The following ODF1 variants were observed in gnomAD, a reference collection of about 807,000 sequenced individuals.
The protein encoded by ODF1 is outer dense fiber of sperm tails 1.
ODF1 carries 10 observed loss-of-function variants against 24.0 expected under a neutral mutation model. The observed-to-expected ratio is 0.42, with a 90% CI of 0.26 to 0.71. ODF1 has a LOEUF of 0.71. Among genes scored for constraint, ODF1 ranks in the 30% least tolerant of loss-of-function variants. The pLI is 0.28. For missense variants in ODF1, 282 were observed against 307.9 expected (o/e 0.92, Z 0.63); for synonymous variants, 118 against 121.3 (o/e 0.97, Z 0.18).
chr8:102,559,911 T>C (rs1826156633), intron 1 of ODF1, among the ~76,000 whole-genome samples: 1 of 150,834 alleles, frequency 6.6e-6, no homozygotes, highest in Non-Finnish European at 1.5e-5. Context: ...TTTTAATCTA[T>C]ATAAATATAA....
chr8:102,554,693 C>G (rs1020100282), intron 1 of ODF1, among the ~76,000 whole-genome samples: 1 of 152,170 alleles, frequency 6.6e-6, no homozygotes, highest in African/African-American at 2.4e-5. Context: ...TGGTTCACAC[C>G]TGTAATCTCA....
chr8:102,551,759 T>C lies in ODF1; in HGVS notation c.32T>C (p.Val11Ala). 1.2e-6 allele frequency: 2 copies of C among 1,611,400 alleles called. No homozygotes were observed. Among genetic ancestry groups the C allele is most frequent in the Non-Finnish European group, 1.7e-6 (2 of 1,178,262 alleles). Residue 11 changes from valine (V) to alanine (A), a missense_variant, in exon 1 of 2, where the codon GTC becomes GCC. Transcript: ENST00000285402. ...GCACTGAGTTGTCTCTTGGACAGTG[T>C]CAGAAGGGACATAAAGAAGGTGGAC... MAALSCLLDS[V>A]RRDIKKVDRE... is the part of the protein sequence containing the mutation.
At position 102,551,978 on chromosome 8, in the gene ODF1, G is replaced by T. The variant is rs143906399; in HGVS notation, c.251G>T (p.Arg84Leu). The T allele has an allele frequency of 7.4e-6, 12 of 1,613,662 alleles. No homozygotes were observed. In the East Asian group the frequency reaches 2.7e-4, roughly 36 times the overall value. The stretch of plus-strand genomic sequence containing the variant: ...TGTGATTATAAGCTTTACTGTCTGC[G>T]ACCATCTCTCAGAAGTTTGGAGAGG... ...CLCDYKLYCL[R>L]PSLRSLERKA... The change falls in exon 1 of 2, where the codon CGA (arginine) becomes CTA (leucine). Residue 84 changes from arginine to leucine, a missense_variant. Transcript: ENST00000285402.
intron 1 of ODF1, among the ~76,000 whole-genome samples, chr8:102,553,351 C>T (rs2164065): frequency 0.6 from 87,901 of 147,198 alleles, 26,831 homozygotes; most frequent in Middle Eastern, 0.73. Flanking sequence ...CACTCCAGAC[C>T]GGGTGACAAA....
Position 102,561,010 on chromosome 8 carries a change from G to C in ODF1, c.*126G>C. ...TACGTAGGAAACTGAATACATAACT[G>C]CAATCTGCTGGTGTTGTGTGAAAGT... On this transcript the variant is annotated 3_prime_UTR_variant, in exon 2 of 2. Coordinates refer to ENST00000285402, the MANE Select transcript of ODF1 (RefSeq NM_024410.4). 1 of 872,896 alleles carries C rather than the reference G, an allele frequency of 1.1e-6. No individual in the cohort carries two copies. The highest frequency in any genetic ancestry group is 1.7e-5 in the South Asian group (1 of 60,218). 54.1% of individuals were successfully genotyped at this position (872,896 alleles called of 1,614,324 possible). A position where few individuals can be genotyped will look rare whatever the true frequency, so the allele number is the denominator to read the frequency against.
chr8:102,556,438 GTTTTGTT>G (rs1253884890), intron 1 of ODF1, among the ~76,000 whole-genome samples: 29 of 35,538 alleles, frequency 8.2e-4, no homozygotes, highest in Non-Finnish European at 1.7e-3. Context: ...TTGTTGTTTT[GTTTTGTT>G]TTGTTTTGTT....
At chr8:102,557,587 G>A (rs1451618127) in intron 1 of ODF1, among the ~76,000 whole-genome samples, 2 of 152,200 alleles carry the variant, frequency 1.3e-5, no homozygotes, top group East Asian at 3.8e-4. Context: ...GATGAATCTG[G>A]GCGCTGACTT....
intron 1 of ODF1, among the ~76,000 whole-genome samples, chr8:102,556,595 G>A (rs889829655): frequency 5.3e-5 from 8 of 151,984 alleles, no homozygotes; most frequent in African/African-American, 9.7e-5. Flanking sequence ...CTAGAGGTGC[G>A]GACAACCACG....
At chr8:102,552,877 C>A (rs1057265973) in intron 1 of ODF1, among the ~76,000 whole-genome samples, 2 of 152,008 alleles carry the variant, frequency 1.3e-5, no homozygotes, top group African/African-American at 4.8e-5. Context: ...CATTCATGCA[C>A]TGGAATAATA....
chr8:102,555,199 A>G (rs1367891432), intron 1 of ODF1, among the ~76,000 whole-genome samples: 1 of 152,112 alleles, frequency 6.6e-6, no homozygotes, highest in Non-Finnish European at 1.5e-5. Context: ...CTTTGTCGGA[A>G]GCCATGCCAC....
chr8:102,560,870 A>G lies in ODF1; in HGVS notation c.739A>G (p.Lys247Glu), dbSNP rs1172936576. 6.2e-7 allele frequency: 1 copy of G among 1,610,452 alleles called. No individual in the cohort carries two copies. Among genetic ancestry groups the G allele is most frequent in the Non-Finnish European group, 8.5e-7 (1 of 1,177,892 alleles). Residue 247 changes from lysine (K) to glutamate (E), a missense_variant, in exon 2 of 2, where the codon AAG becomes GAG. Coordinates refer to ENST00000285402, the MANE Select transcript of ODF1 (RefSeq NM_024410.4). ...CTGTGGAAGCCGATTTTCCTGTAGGAAGATGATTTTGTAAAGTGCGCATAG... is the reference window on the plus strand; with the variant it reads ...CTGTGGAAGCCGATTTTCCTGTAGGGAGATGATTTTGTAAAGTGCGCATAG... ...YPCGSRFSCR[K>E]MIL
At chr8:102,559,714 CACA>C in intron 1 of ODF1, among the ~76,000 whole-genome samples, 1 of 151,570 alleles carries the variant, frequency 6.6e-6, no homozygotes, top group East Asian at 1.9e-4. Context: ...AAGACTTTCA[CACA>C]ACACCAGCCT....
At position 102,561,017 on chromosome 8, in the gene ODF1, G is replaced by A. The variant is rs1206146115; in HGVS notation, c.*133G>A. The A allele has an allele frequency of 4.7e-6, 4 of 847,440 alleles. No individual in the cohort carries two copies. The highest frequency in any genetic ancestry group is 7.4e-6 in the Non-Finnish European group (4 of 540,798). 52.5% of individuals were successfully genotyped at this position (847,440 alleles called of 1,614,324 possible). A position where few individuals can be genotyped will look rare whatever the true frequency, so the allele number is the denominator to read the frequency against. On this transcript the variant is annotated 3_prime_UTR_variant, in exon 2 of 2. Coordinates refer to ENST00000285402, the MANE Select transcript of ODF1 (RefSeq NM_024410.4). The stretch of plus-strand genomic sequence containing the variant: ...GAAACTGAATACATAACTGCAATCT[G>A]CTGGTGTTGTGTGAAAGTCTTTTGG...
chr8:102,556,256 G>A (rs1826109611), intron 1 of ODF1, among the ~76,000 whole-genome samples: 1 of 152,162 alleles, frequency 6.6e-6, no homozygotes, highest in African/African-American at 2.4e-5. Flanking sequence ...TCTGGAATCC[G>A]TGAGCTTAAT....
At chr8:102,558,491 A>C (rs2131031742) in intron 1 of ODF1, among the ~76,000 whole-genome samples, 1 of 152,230 alleles carries the variant, frequency 6.6e-6, no homozygotes, top group East Asian at 1.9e-4. Flanking sequence ...ATGGGACTGA[A>C]TACAGTCCTC....
At chr8:102,557,145 G>A (rs1025740501) in intron 1 of ODF1, among the ~76,000 whole-genome samples, 1 of 152,154 alleles carries the variant, frequency 6.6e-6, no homozygotes, top group East Asian at 1.9e-4. Context: ...GCTTTCCTAA[G>A]AGGCTTCTGC....
rs1330957924 is a variant in ODF1 at position 102,551,835 on chromosome 8, G to A, written c.108G>A (p.Leu36=). 6 of 1,614,050 alleles carry A rather than the reference G, an allele frequency of 3.7e-6. No individual in the cohort carries two copies. In the Middle Eastern group the frequency reaches 6.6e-4, roughly 177 times the overall value. ...RCIDEFSTRC[L]CDLYMHPYCC... is the part of the protein sequence containing the mutation. ...TCGACGAATTTAGCACACGGTGCCT[G>A]TGCGACTTGTATATGCACCCCTATT... Residue 36 remains leucine, a synonymous_variant, in exon 1 of 2, where the codon CTG becomes CTA. Transcript: ENST00000285402.
At chr8:102,558,455 AAAAAAAG>A (rs1381462985) in intron 1 of ODF1, among the ~76,000 whole-genome samples, 4 of 152,230 alleles carry the variant, frequency 2.6e-5, no homozygotes, top group East Asian at 1.9e-4. Context: ...CCCCGTCTCA[AAAAAAAG>A]AAAAAAGAAA....
chr8:102,556,769 G>C (rs1264369178), intron 1 of ODF1, among the ~76,000 whole-genome samples: 1 of 152,148 alleles, frequency 6.6e-6, no homozygotes, highest in African/African-American at 2.4e-5. Context: ...GAGAAGAAAG[G>C]AGAAGAGAAG....
Sources: gnomAD v4.1 joint callset for allele counts (sites outside exome capture counted in the v4.1 genomes callset) on GRCh38, gnomAD v4.1.1 for gene constraint, MANE v1.5 for transcripts, NCBI Gene and HGNC (gene_info 2026-07-23, HGNC 2026-07-21) for gene names.